The following PRPSAP1 variants were observed in gnomAD, a reference collection of about 807,000 sequenced individuals.
PRPSAP1 encodes the protein phosphoribosyl pyrophosphate synthetase associated protein 1.
A neutral mutation model predicts 39.4 loss-of-function variants in PRPSAP1; 31 were observed. That is an observed-to-expected ratio of 0.79 (90% CI 0.59 to 1.06). The LOEUF (loss-of-function observed/expected upper bound fraction) is 1.06, where lower values mean the gene tolerates loss of function less well. Among genes scored for constraint, PRPSAP1 ranks in the 50% least tolerant of loss-of-function variants. The probability of loss-of-function intolerance (pLI) is 0.00; values close to 1 mark genes in which losing one functional copy is unlikely to be tolerated. For missense variants in PRPSAP1, 430 were observed against 511.6 expected, an observed-to-expected ratio of 0.84 and a Z score of 1.54; for synonymous variants, 212 against 192.6, an observed-to-expected ratio of 1.10 and a Z score of -0.83.
At position 76,353,580 on chromosome 17, in the gene PRPSAP1, C is replaced by T. The variant is rs868747402; in HGVS notation, c.124G>A (p.Ala42Thr). 6.4e-7 allele frequency: 1 copy of T among 1,562,210 alleles called. No individual in the cohort carries two copies. The highest frequency in any genetic ancestry group is 8.6e-7 in the Non-Finnish European group (1 of 1,159,274). The change falls in exon 1 of 10, where the codon GCC (alanine) becomes ACC (threonine). Residue 42 changes from alanine to threonine, a missense_variant. This residue lies in a region of PRPSAP1 where 152 missense variants were observed against 135.2 expected (regional missense o/e 1.12). Coordinates refer to ENST00000446526, the MANE Select transcript of PRPSAP1 (RefSeq NM_002766.3). ...AARTGYRVFS[A>T]NSTAACTELA... Reference sequence around the variant, plus strand: ...TCCGTGCAGGCGGCCGTGGAGTTGGCCGAGAAGACTCGGTAGCCGGTGCGA... The same window carrying T: ...TCCGTGCAGGCGGCCGTGGAGTTGGTCGAGAAGACTCGGTAGCCGGTGCGA...
intron 3 of PRPSAP1, among the ~76,000 whole-genome samples, chr17:76,338,893 C>G (rs1293104267): frequency 6.6e-6 from 1 of 151,410 alleles, no homozygotes; most frequent in African/African-American, 2.4e-5. Context: ...ATTAGCCAGG[C>G]ATGGTGGTAC....
intron 1 of PRPSAP1, among the ~76,000 whole-genome samples, chr17:76,352,644 CAAAAAAAA>C (rs55986677): frequency 5.6e-5 from 3 of 53,590 alleles, no homozygotes; most frequent in Non-Finnish European, 7.8e-5. Flanking sequence ...GACTCCGTCT[CAAAAAAAA>C]AAAAAAAAAA....
At chr17:76,336,979 A>G (rs1433150605) in intron 3 of PRPSAP1, among the ~76,000 whole-genome samples, 3 of 152,188 alleles carry the variant, frequency 2.0e-5, no homozygotes, top group Non-Finnish European at 4.4e-5. Flanking sequence ...ATCGGCTGGC[A>G]GTCTCTGCTT....
At chr17:76,352,058 C>A (rs1407364550) in intron 1 of PRPSAP1, among the ~76,000 whole-genome samples, 1 of 151,206 alleles carries the variant, frequency 6.6e-6, no homozygotes, top group Non-Finnish European at 1.5e-5. Context: ...CTCCAAAACT[C>A]CAACTATTAA....
intron 7 of PRPSAP1, chr17:76,314,747 G>GT (rs1439761270): frequency 6.6e-6 from 1 of 152,232 alleles, no homozygotes; most frequent in African/African-American, 2.4e-5. Flanking sequence ...GAGACGGGCC[G>GT]TGTCTCATGA....
chr17:76,353,903 T>C lies in PRPSAP1; in HGVS notation c.-200A>G. The C allele has an allele frequency of 3.0e-6, 4 of 1,324,502 alleles. No homozygotes were observed. The highest frequency in any genetic ancestry group is 3.8e-6 in the Non-Finnish European group (4 of 1,042,406). The allele number at this position is 1,324,502 out of a possible 1,614,324, so 82.0% of individuals were successfully genotyped here. A position where few individuals can be genotyped will look rare whatever the true frequency, so the allele number is the denominator to read the frequency against. ...CTTCGCAGCGCCCGGCGCCGCCGCC[T>C]CAGAGCCAGAGGCAAGGCCACCGCC... On this transcript the variant is annotated 5_prime_UTR_variant, in exon 1 of 10. Transcript: ENST00000446526.
chr17:76,312,920 T>C lies in PRPSAP1; in HGVS notation c.949A>G (p.Ile317Val). Residue 317 changes from isoleucine (I) to valine (V), a missense_variant, in exon 9 of 10, where the codon ATC becomes GTC. Physicochemically the swap from Ile to Val is conservative, Grantham distance 29. Transcript: ENST00000446526. ...AGGCGAGGGGCCTCTGCAGACAGGA[T>C]GCCGTGGGTGGCCATAACATAGATC... The part of the protein sequence containing the change: ...YKIYVMATHG[I>V]LSAEAPRLIE... The C allele has an allele frequency of 6.2e-7, 1 of 1,614,146 alleles. No homozygotes were observed. The highest frequency in any genetic ancestry group is 8.5e-7 in the Non-Finnish European group (1 of 1,180,020).
At chr17:76,353,463 C>A in intron 1 of PRPSAP1, 71 bp downstream of exon 1, 2 of 1,370,154 alleles carry the variant, frequency 1.5e-6, no homozygotes, top group Non-Finnish European at 1.9e-6. Context: ...TGGAGGGGAG[C>A]GGGTCCCTCC....
rs1179220144 is a variant in PRPSAP1, at chr17:76,310,878, CCTGA to C, written c.*660_*663del. 1 of 151,904 alleles carries C rather than the reference CCTGA, an allele frequency of 6.6e-6. No individual in the cohort carries two copies. The highest frequency in any genetic ancestry group is 2.4e-5 in the African/African-American group (1 of 41,318). The allele number at this position is 151,904 out of a possible 1,614,324, so 9.4% of individuals were successfully genotyped here. On this transcript the variant is annotated 3_prime_UTR_variant, in exon 10 of 10. Coordinates refer to ENST00000446526, the MANE Select transcript of PRPSAP1 (RefSeq NM_002766.3). ...GAAAGTGTTTGTGTCCAGCCACAGA[CCTGA>C]CTGCTGTTCTGTATCCATGGTCTTC... is the stretch of plus-strand genomic sequence containing the variant.
chr17:76,313,640 T>C, intron 8 of PRPSAP1, 181 bp downstream of exon 8: 3 of 611,274 alleles, frequency 4.9e-6, no homozygotes, highest in Middle Eastern at 3.4e-4. Context: ...CTGTAGGTTA[T>C]ACTTTAATGT....
At chr17:76,336,732 CAAAAAAAAAAAAAA>C (rs57399038) in intron 3 of PRPSAP1, among the ~76,000 whole-genome samples, 3 of 63,344 alleles carry the variant, frequency 4.7e-5, no homozygotes, top group African/African-American at 6.3e-5. Flanking sequence ...AACTCCATCT[CAAAAAAAAAAAAAA>C]AAAAAAAAAA....
chr17:76,348,625 T>C lies in PRPSAP1; in HGVS notation c.171-44A>G, dbSNP rs762870081. ...AAAAAAGGGAAATTAAGATTACTCTTTTTAAAAAAATTCCAGTTCATATGC... is the reference window on the plus strand; with the variant it reads ...AAAAAAGGGAAATTAAGATTACTCTCTTTAAAAAAATTCCAGTTCATATGC... On this transcript the variant is annotated intron_variant, in intron 1 of 9. Coordinates refer to ENST00000446526, the MANE Select transcript of PRPSAP1 (RefSeq NM_002766.3). 3.4e-6 allele frequency: 5 copies of C among 1,471,788 alleles called. No homozygotes were observed. The South Asian group carries it at 7.0e-5, about 21-fold the overall frequency. 91.2% of individuals were successfully genotyped at this position (1,471,788 alleles called of 1,614,324 possible).
intron 4 of PRPSAP1, 110 bp downstream of exon 4, chr17:76,332,153 G>A (rs2071328428): frequency 7.4e-7 from 1 of 1,352,948 alleles, no homozygotes; most frequent in Middle Eastern, 2.7e-4. Context: ...TGTTCAAAAG[G>A]AAACAAACAC....
upstream of PRPSAP1, chr17:76,354,019 G>T: frequency 1.9e-5 from 22 of 1,159,606 alleles, no homozygotes; most frequent in Non-Finnish European, 2.3e-5. Flanking sequence ...CTAAAAGCCT[G>T]TTCTTCCGAG....
intron 3 of PRPSAP1, among the ~76,000 whole-genome samples, chr17:76,344,288 C>A (rs1159533044): frequency 6.6e-6 from 1 of 152,164 alleles, no homozygotes; most frequent in African/African-American, 2.4e-5. Context: ...CCACCACGCC[C>A]GGCTAATTTT....
chr17:76,351,513 A>G (rs1443838531), intron 1 of PRPSAP1, among the ~76,000 whole-genome samples: 2 of 150,308 alleles, frequency 1.3e-5, no homozygotes, highest in African/African-American at 5.0e-5. Flanking sequence ...ACTCCGTCTC[A>G]AAACAAAAAA....
intron 7 of PRPSAP1, among the ~76,000 whole-genome samples, chr17:76,316,312 C>T (rs539882232): frequency 6.6e-6 from 1 of 152,176 alleles, no homozygotes; most frequent in African/African-American, 2.4e-5. Flanking sequence ...ACCCTACCTC[C>T]CACAAAGAAC....
In PRPSAP1 at chr17:76,324,107, C is replaced by T. The variant is rs560421101; in HGVS notation, c.781+4610G>A. 5.4e-5 allele frequency among the ~76,000 whole-genome samples: 8 copies of T among 148,600 alleles called. 1 individual carries two copies. In the South Asian group the frequency reaches 1.5e-3, roughly 28 times the overall value. On this transcript the variant is annotated intron_variant, in intron 7 of 9. Coordinates refer to ENST00000446526, the MANE Select transcript of PRPSAP1 (RefSeq NM_002766.3). ...GCAGGGAGCCGAGATGGTGCCACTG[C>T]ACTCCAGCCTGGGCAACAGAGTGAG...
At chr17:76,328,891 T>A in intron 6 of PRPSAP1, 29 bp from the exon 7 acceptor site, 1 of 1,583,800 alleles carries the variant, frequency 6.3e-7, no homozygotes, top group East Asian at 2.3e-5. Context: ...ATGGTGAAAC[T>A]GACAGGAAGA....
Sources: allele counts gnomAD v4.1 joint callset (sites outside exome capture counted in the v4.1 genomes callset), GRCh38; gene constraint gnomAD v4.1.1; regional missense constraint gnomAD v4.1.1; transcripts MANE v1.5; gene names NCBI Gene and HGNC (gene_info 2026-07-23, HGNC 2026-07-21).